METTL27: variants seen among roughly 807,000 people sequenced by gnomAD.
METTL27 encodes the protein methyltransferase like 27, also known as methyltransferase-like protein 27.
Under a neutral mutation model 24.5 loss-of-function variants are expected in METTL27, and 29 were observed. That is an observed-to-expected ratio of 1.18 (90% CI 0.88 to 1.61). The LOEUF (loss-of-function observed/expected upper bound fraction) is 1.61. METTL27 is among the 40% of genes most tolerant of loss of function. METTL27 has a pLI of 0.00. For synonymous variants in METTL27, 138 were observed against 146.8 expected (o/e 0.94, Z 0.43); for missense variants, 341 against 324.3 (o/e 1.05, Z -0.40).
Position 73,841,931 on chromosome 7 carries a change from C to T in METTL27, c.123+87G>A. On this transcript the variant is annotated intron_variant, in intron 2 of 5. Transcript: ENST00000297873. Reference sequence around the variant, plus strand: ...CCAGGCCTCACTTCGTCCTCACAGCCGCCCCCGGGTGCAAGGCTGATTCCC... The same window carrying T: ...CCAGGCCTCACTTCGTCCTCACAGCTGCCCCCGGGTGCAAGGCTGATTCCC... 2.5e-6 allele frequency: 4 copies of T among 1,604,708 alleles called. No homozygotes were observed. In the South Asian group the frequency reaches 4.4e-5, roughly 18 times the overall value.
At chr7:73,840,226 G>A (rs782521360) in intron 4 of METTL27, 106 bp from the exon 5 acceptor site, 6 of 1,447,768 alleles carry the variant, frequency 4.1e-6, no homozygotes, top group South Asian at 1.3e-5. Flanking sequence ...GCTACTACCC[G>A]CATCTGCAGG....
Position 73,842,085 on chromosome 7 carries a change from G to T in METTL27, c.56C>A (p.Ala19Glu). The T allele has an allele frequency of 1.9e-6, 3 of 1,613,910 alleles. No individual in the cohort carries two copies. Among genetic ancestry groups the T allele is most frequent in the Non-Finnish European group, 2.5e-6 (3 of 1,179,966 alleles). Residue 19 changes from alanine (A) to glutamate (E), a missense_variant, in exon 2 of 6, where the codon GCG becomes GAG. Coordinates refer to ENST00000297873, the MANE Select transcript of METTL27 (RefSeq NM_152559.3). ...TTGGGCCAGGTCGGGGATGCCATGC[G>T]CGGCCCTGACCCGCGCCCGCACCTC... ...LPEVRARVRA[A>E]HGIPDLAQKL...
chr7:73,839,309 GA>G, intron 5 of METTL27, among the ~76,000 whole-genome samples: 1 of 152,198 alleles, frequency 6.6e-6, no homozygotes, highest in East Asian at 1.9e-4. Flanking sequence ...TAAATTCTGG[GA>G]GCAGTGAGCA....
Position 73,842,228 on chromosome 7 carries a change from G to A in METTL27, c.-4-84C>T, listed in dbSNP as rs1437033632. 4.0e-6 allele frequency: 6 copies of A among 1,512,100 alleles called. No homozygotes were observed. In the South Asian group the frequency reaches 7.8e-5, roughly 20 times the overall value. The allele number at this position is 1,512,100 out of a possible 1,614,324, so 93.7% of individuals were successfully genotyped here. On this transcript the variant is annotated intron_variant, in intron 1 of 5. Transcript: ENST00000297873. ...CCCCCTTCCCTCCTCCCCCTTCAGAGGAGGCTGCCAGGCCTCCTGCCAGCG... is the reference window on the plus strand; with the variant it reads ...CCCCCTTCCCTCCTCCCCCTTCAGAAGAGGCTGCCAGGCCTCCTGCCAGCG...
At chr7:73,838,702 C>T (rs1788275437) in intron 5 of METTL27, among the ~76,000 whole-genome samples, 1 of 152,218 alleles carries the variant, frequency 6.6e-6, no homozygotes, top group African/African-American at 2.4e-5. Context: ...AAGTTCCTGT[C>T]TTCTTGGGCC....
chr7:73,841,562 TC>T (rs1463401458), intron 2 of METTL27, among the ~76,000 whole-genome samples: 2 of 151,478 alleles, frequency 1.3e-5, no homozygotes, highest in East Asian at 3.9e-4. Flanking sequence ...AACCTCTGTG[TC>T]CCGGATTCAG....
At chr7:73,838,911 C>A (rs1788280910) in intron 5 of METTL27, among the ~76,000 whole-genome samples, 1 of 152,168 alleles carries the variant, frequency 6.6e-6, no homozygotes, top group Admixed American at 6.6e-5. Flanking sequence ...TTCTCATGCT[C>A]AGCCCCTCTC....
intron 5 of METTL27, 174 bp from the exon 6 acceptor site, chr7:73,835,176 C>G: frequency 1.3e-6 from 1 of 771,408 alleles, no homozygotes; most frequent in South Asian, 1.9e-5. Context: ...TCCCTCCTCT[C>G]CCTCCTCTCC....
Position 73,840,132 on chromosome 7 carries a change from T to G in METTL27, c.389-12A>C, listed in dbSNP as rs202036415. 0.017 allele frequency: 13,618 copies of G among 812,364 alleles called. 183 individuals are homozygous for G. Among genetic ancestry groups the G allele is most frequent in the African/African-American group, 0.11 (4,214 of 39,406 alleles). 50.3% of individuals were successfully genotyped at this position (812,364 alleles called of 1,614,324 possible). On this transcript the variant is annotated splice_polypyrimidine_tract_variant and intron_variant, in intron 4 of 5. Transcript: ENST00000297873. ...CGCGTCGAAGGTCCCTGTGTGTGTG[T>G]GGGGGGGGGTGGGGACATGGTGTGA... is the stretch of plus-strand genomic sequence containing the variant.
At chr7:73,835,845 G>A (rs1788161084) in intron 5 of METTL27, among the ~76,000 whole-genome samples, 1 of 130,188 alleles carries the variant, frequency 7.7e-6, no homozygotes, top group Non-Finnish European at 1.7e-5. Flanking sequence ...CTGAGATGTG[G>A]GGAGCGCCTC....
At chr7:73,835,191 T>G in intron 5 of METTL27, 189 bp from the exon 6 acceptor site, 1 of 307,518 alleles carries the variant, frequency 3.3e-6, no homozygotes, top group Admixed American at 5.6e-5. Context: ...CTCTCCCTCC[T>G]CTCCCTCTCC....
At chr7:73,836,541 G>GC (rs1788205373) in intron 5 of METTL27, among the ~76,000 whole-genome samples, 2 of 40,054 alleles carry the variant, frequency 5.0e-5, no homozygotes, top group Non-Finnish European at 9.6e-5. Flanking sequence ...GGGGGGGTCA[G>GC]CCCCCTGCCC....
intron 2 of METTL27, among the ~76,000 whole-genome samples, 155 bp downstream of exon 2, chr7:73,841,863 T>C (rs1404151020): frequency 6.6e-6 from 1 of 152,110 alleles, no homozygotes; most frequent in African/African-American, 2.4e-5. Context: ...AATCCAGAGC[T>C]GTGGGGCGGG....
Position 73,841,186 on chromosome 7 carries a change from G to C in METTL27, c.136C>G (p.Leu46Val). ...GCGAGGCGGGGCGCACGGTACAGCA[G>C]GGTGGCCACATCCTGGGGAAAGAGT... ...APDYDQDVAT[L>V]LYRAPRLAVD... The change falls in exon 3 of 6, where the codon CTG (leucine) becomes GTG (valine). Residue 46 changes from leucine to valine, a missense_variant. Leu to Val is a conservative substitution (Grantham distance 32, BLOSUM62 1). Coordinates refer to ENST00000297873, the MANE Select transcript of METTL27 (RefSeq NM_152559.3). 1 of 1,558,442 alleles carries C rather than the reference G, an allele frequency of 6.4e-7. No individual in the cohort carries two copies.
At position 73,840,482 on chromosome 7, in the gene METTL27, T is replaced by C. The variant is rs13241921; in HGVS notation, c.320A>G (p.Gln107Arg). The C allele has an allele frequency of 0.71, 1,148,269 of 1,608,944 alleles. 414,683 individuals are homozygous for C. The highest frequency in any genetic ancestry group is 0.75 in the Non-Finnish European group (887,470 of 1,178,254). Residue 107 changes from glutamine (Q) to arginine (R), a missense_variant, in exon 4 of 6, where the codon CAG becomes CGG. By Grantham distance (43) the Gln-to-Arg change is conservative. Transcript: ENST00000297873. The part of the protein sequence containing the change: ...DGSPGMLEQA[Q>R]APGLYQRLSL... ...GAGGCGCTGATAGAGGCCGGGGGCC[T>C]GGGCCTGTTCCAGCATCCCTGGGCT...
chr7:73,837,560 TTTTC>T (rs1195798320), intron 5 of METTL27, among the ~76,000 whole-genome samples: 7 of 151,572 alleles, frequency 4.6e-5, no homozygotes, highest in South Asian at 2.1e-4. Context: ...GGGAATTCCT[TTTTC>T]TTTCTTTCTT....
chr7:73,838,127 AT>A (rs1788258665), intron 5 of METTL27, among the ~76,000 whole-genome samples: 1 of 152,004 alleles, frequency 6.6e-6, no homozygotes, highest in Non-Finnish European at 1.5e-5. Flanking sequence ...TGCTGGGATT[AT>A]GGGGGTGAGC....
intron 3 of METTL27, 66 bp from the exon 4 acceptor site, chr7:73,840,615 C>A: frequency 6.6e-7 from 1 of 1,515,214 alleles, no homozygotes; most frequent in Non-Finnish European, 8.8e-7. Flanking sequence ...GTCCCTGCAC[C>A]TTGGCAGGGC....
rs1046622894 is a variant in METTL27 at position 73,834,735 on chromosome 7, G to C, written c.*8C>G. On this transcript the variant is annotated 3_prime_UTR_variant, in exon 6 of 6. Coordinates refer to ENST00000297873, the MANE Select transcript of METTL27 (RefSeq NM_152559.3). Reference sequence around the variant, plus strand: ...GTCAGGGGCCAGCTGGGGGCTGGGGGCTGGATCTCACTTCCTCAACCTGGG... The same window carrying C: ...GTCAGGGGCCAGCTGGGGGCTGGGGCCTGGATCTCACTTCCTCAACCTGGG... 2 of 1,611,702 alleles carry C rather than the reference G, an allele frequency of 1.2e-6. No individual in the cohort carries two copies. Among genetic ancestry groups the C allele is most frequent in the Non-Finnish European group, 1.7e-6 (2 of 1,178,630 alleles).
Sources: gnomAD v4.1 joint callset for allele counts (sites outside exome capture counted in the v4.1 genomes callset) on GRCh38, gnomAD v4.1.1 for gene constraint, MANE v1.5 for transcripts, NCBI Gene and HGNC (gene_info 2026-07-23, HGNC 2026-07-21) for gene names.